The following CPA4 variants were observed in gnomAD, a reference collection of about 807,000 sequenced individuals.
The protein encoded by CPA4 is carboxypeptidase A3.
CPA4 carries 49 observed loss-of-function variants against 54.7 expected under a neutral mutation model. That is an observed-to-expected ratio of 0.90 (90% CI 0.71 to 1.14). The LOEUF (loss-of-function observed/expected upper bound fraction) is 1.14, where lower values mean the gene tolerates loss of function less well. CPA4 is among the 50% of genes most tolerant of loss of function. The probability of loss-of-function intolerance (pLI) is 0.00; values close to 1 mark genes in which losing one functional copy is unlikely to be tolerated. For synonymous variants in CPA4, 215 were observed against 206.8 expected (o/e 1.04, Z -0.34); for missense variants, 487 against 525.1 (o/e 0.93, Z 0.71).
intron 8 of CPA4, 88 bp downstream of exon 8, chr7:130,308,485 G>GT (rs537616413): frequency 7.6e-5 from 80 of 1,058,208 alleles, no homozygotes; most frequent in Middle Eastern, 6.3e-4. Context: ...GACGGAGCGC[G>GT]TTTCCACTTT....
intron 8 of CPA4, among the ~76,000 whole-genome samples, chr7:130,309,219 A>C (rs2117149979): frequency 1.3e-5 from 2 of 152,328 alleles, no homozygotes; most frequent in East Asian, 3.9e-4. Flanking sequence ...TCCCGAGAGA[A>C]TGGTGGGACA....
At position 130,323,919 on chromosome 7, in the gene CPA4, G is replaced by GTGTGTGTGTGTGTT. The variant is rs1794171261; in HGVS notation, c.*1256_*1257insTTGTGTGTGTGTGT. 6.6e-6 allele frequency: 1 copy of GTGTGTGTGTGTGTT among 152,562 alleles called. No homozygotes were observed. Among genetic ancestry groups the GTGTGTGTGTGTGTT allele is most frequent in the Non-Finnish European group, 1.5e-5 (1 of 68,684 alleles). 9.5% of individuals were successfully genotyped at this position (152,562 alleles called of 1,614,324 possible). A position where few individuals can be genotyped will look rare whatever the true frequency, so the allele number is the denominator to read the frequency against. On this transcript the variant is annotated 3_prime_UTR_variant, in exon 11 of 11. Transcript: ENST00000222482. ...TTTGTGTGTGTGTGTGTGTGTGTGT[G>GTGTGTGTGTGTGTT]TGTGTGTGTGTGTGTGTTTGTGTGT...
In CPA4 at chr7:130,315,886, G is replaced by A. The variant is rs1584754139; in HGVS notation, c.1078+3764G>A. Among the ~76,000 whole-genome samples, 8 of 152,306 alleles carry A rather than the reference G, an allele frequency of 5.3e-5. 3 individuals carry two copies. The highest frequency in any genetic ancestry group is 5.2e-4 in the Admixed American group (8 of 15,298). On this transcript the variant is annotated intron_variant, in intron 10 of 10. Transcript: ENST00000222482. ...TGTTCCTTTATATCTGGGGTTATGT[G>A]TATATGAGAACTTATGAAATGTTGT...
chr7:130,321,139 A>C (rs568719259), intron 10 of CPA4, among the ~76,000 whole-genome samples: 4 of 152,186 alleles, frequency 2.6e-5, no homozygotes, highest in Admixed American at 1.3e-4. Flanking sequence ...AGGCTGCAGT[A>C]AGCTGTGATT....
chr7:130,305,780 AG>A (rs918471510), intron 5 of CPA4, 35 bp from the exon 6 acceptor site: 16 of 1,455,590 alleles, frequency 1.1e-5, no homozygotes, highest in Admixed American at 1.7e-5. Flanking sequence ...AGATGCGGGC[AG>A]GCGGTCATTT....
Position 130,322,657 on chromosome 7 carries a change from T to A in CPA4, c.1247T>A (p.Val416Glu). Reference sequence around the variant, plus strand: ...GGGCTGAAGACCATCATGGAGCATGTGCGGGACAACCTCTACTAGGCGATG... The same window carrying A: ...GGGCTGAAGACCATCATGGAGCATGAGCGGGACAACCTCTACTAGGCGATG... ...WLGLKTIMEH[V>E]RDNLY The change falls in exon 11 of 11, where the codon GTG (valine) becomes GAG (glutamate). Residue 416 changes from valine (V) to glutamate (E), a missense_variant. By Grantham distance (121) the Val-to-Glu change is moderately radical (BLOSUM62 -2). Transcript: ENST00000222482. The A allele has an allele frequency of 6.2e-7, 1 of 1,613,998 alleles. No individual in the cohort carries two copies. The highest frequency in any genetic ancestry group is 8.5e-7 in the Non-Finnish European group (1 of 1,179,950).
rs577563146 is a variant in CPA4, at chr7:130,310,501, C to CT, written c.794-286_794-285insT. On this transcript the variant is annotated intron_variant, in intron 8 of 10. Transcript: ENST00000222482. The surrounding 1 kb of genome is among the most constrained non-coding windows in gnomAD (Gnocchi z 4.3). ...AATTATCTAGTCTACTTATTAATTA[C>CT]AACTCATTCTCAAGGGTGATATTAA... Among the ~76,000 whole-genome samples the CT allele has an allele frequency of 4.6e-5, 7 of 152,256 alleles. No individual in the cohort carries two copies. In the South Asian group the frequency reaches 1.5e-3, roughly 32 times the overall value.
At position 130,293,226 on chromosome 7, in the gene CPA4, T is replaced by A. The variant is rs749015135; in HGVS notation, c.46T>A (p.Cys16Ser). Residue 16 changes from cysteine to serine, a missense_variant, in exon 1 of 11, where the codon TGT (cysteine) becomes AGT (serine). Transcript: ENST00000222482. Reference sequence around the variant, plus strand: ...TGGGGCCCTTATTGGGTCCAGCATCTGTGGCCAAGAAAAATTTTTTGGGTA... The same window carrying A: ...TGGGGCCCTTATTGGGTCCAGCATCAGTGGCCAAGAAAAATTTTTTGGGTA... Reference protein sequence around the residue: ...FIGALIGSSICGQEKFFGDQV... With the variant: ...FIGALIGSSISGQEKFFGDQV... The A allele has an allele frequency of 1.2e-6, 2 of 1,611,772 alleles. No individual in the cohort carries two copies. Among genetic ancestry groups the A allele is most frequent in the Admixed American group, 1.7e-5 (1 of 59,886 alleles).
At chr7:130,308,158 A>T in intron 7 of CPA4, 149 bp from the exon 8 acceptor site, 1 of 672,812 alleles carries the variant, frequency 1.5e-6, no homozygotes, top group Non-Finnish European at 2.7e-6. Flanking sequence ...AGGAGGAGAG[A>T]CAACTGCTCA....
intron 10 of CPA4, among the ~76,000 whole-genome samples, chr7:130,321,875 T>C (rs1020421848): frequency 6.6e-6 from 1 of 152,160 alleles, no homozygotes; most frequent in African/African-American, 2.4e-5. Flanking sequence ...GAGATTTGGG[T>C]GGGGACACAG....
At chr7:130,311,484 C>T (rs902662441) in intron 9 of CPA4, among the ~76,000 whole-genome samples, 1 of 152,206 alleles carries the variant, frequency 6.6e-6, no homozygotes, top group Non-Finnish European at 1.5e-5. Context: ...GATGCAGCCC[C>T]TCCCAGGCTC....
chr7:130,304,633 GCCT>G, intron 5 of CPA4, 54 bp downstream of exon 5: 1 of 1,047,724 alleles, frequency 9.5e-7, no homozygotes, highest in Non-Finnish European at 1.5e-6. Flanking sequence ...CCAGGACCCA[GCCT>G]CAGACCTCTG....
rs556158120 is a variant in CPA4 at position 130,307,098 on chromosome 7, G to A, written c.702+201G>A. On this transcript the variant is annotated intron_variant, in intron 7 of 10. Transcript: ENST00000222482. ...AATAGTCTAATGAACTCCCTATCAT[G>A]AGTCTTAACAATGACCAACATTTTA... is the stretch of plus-strand genomic sequence containing the variant. Among the ~76,000 whole-genome samples the A allele has an allele frequency of 4.6e-5, 7 of 152,258 alleles. No individual in the cohort carries two copies. The South Asian group carries it at 1.5e-3, about 32-fold the overall frequency.
chr7:130,297,421 G>A (rs951323473), intron 1 of CPA4, among the ~76,000 whole-genome samples: 2 of 152,132 alleles, frequency 1.3e-5, no homozygotes, highest in Admixed American at 6.5e-5. Context: ...AGGGCCCTCG[G>A]CAGTGCCCAC....
intron 10 of CPA4, among the ~76,000 whole-genome samples, chr7:130,316,380 C>A (rs1181176339): frequency 6.6e-6 from 1 of 152,132 alleles, no homozygotes; most frequent in Non-Finnish European, 1.5e-5. Context: ...AGGGTTAGGG[C>A]TCTTAGGGCA....
chr7:130,315,897 C>T (rs1793980175), intron 10 of CPA4, among the ~76,000 whole-genome samples: 1 of 151,970 alleles, frequency 6.6e-6, no homozygotes, highest in African/African-American at 2.4e-5. Flanking sequence ...TATATGAGAA[C>T]TTATGAAATG....
At chr7:130,300,379 AGGCTAGAGTATAATGGTGCAATCTC>A (rs1310020484) in intron 3 of CPA4, among the ~76,000 whole-genome samples, 1 of 135,756 alleles carries the variant, frequency 7.4e-6, no homozygotes, top group Non-Finnish European at 1.5e-5. Context: ...CTCTTTCGCC[AGGCTAGAGTATAATGGTGCAATCTC>A]GGCTCACTGC....
chr7:130,322,413 G>A, intron 10 of CPA4, 76 bp from the exon 11 acceptor site: 1 of 1,241,266 alleles, frequency 8.1e-7, no homozygotes, highest in Non-Finnish European at 1.1e-6. Flanking sequence ...CCCCAGGCAG[G>A]CAGAGCTCTT....
At chr7:130,317,392 G>A (rs765993176) in intron 10 of CPA4, among the ~76,000 whole-genome samples, 7 of 152,214 alleles carry the variant, frequency 4.6e-5, no homozygotes, top group South Asian at 4.1e-4. Flanking sequence ...TACCTCCATT[G>A]TGAAGTGATG....
Sources: gnomAD v4.1 joint callset for allele counts (sites outside exome capture counted in the v4.1 genomes callset) on GRCh38, gnomAD v4.1.1 for gene constraint, Gnocchi (gnomAD v3.1) non-coding constraint, MANE v1.5 for transcripts, NCBI Gene and HGNC (gene_info 2026-07-23, HGNC 2026-07-21) for gene names.